The following ACYP2 variants were observed in gnomAD, a reference collection of about 807,000 sequenced individuals.
ACYP2 encodes the protein acylphosphatase 2.
Under a neutral mutation model 11.2 loss-of-function variants are expected in ACYP2, and 12 were observed. The ratio of observed to expected loss-of-function variants is 1.08; its 90% CI spans 0.69 to 1.74. The LOEUF (loss-of-function observed/expected upper bound fraction) is 1.74. Ranked by LOEUF, ACYP2 falls within the 40% of genes most tolerant of loss-of-function variation. The probability of loss-of-function intolerance (pLI) is 0.00; values close to 1 mark genes in which losing one functional copy is unlikely to be tolerated. For synonymous variants in ACYP2, 43 were observed against 32.2 expected, an observed-to-expected ratio of 1.33 and a Z score of -1.13; for missense variants, 134 against 101.9, an observed-to-expected ratio of 1.31 and a Z score of -1.35.
chr2:54,292,981 C>G (rs937896217), intron 6 of ACYP2, among the ~76,000 whole-genome samples: 1 of 152,180 alleles, frequency 6.6e-6, no homozygotes, highest in Non-Finnish European at 1.5e-5. Context: ...GTTTTAGTTA[C>G]CTGCTACTGC....
intron 6 of ACYP2, among the ~76,000 whole-genome samples, chr2:54,149,872 G>A (rs1468754599): frequency 6.6e-6 from 1 of 152,144 alleles, no homozygotes; most frequent in African/African-American, 2.4e-5. Context: ...AATTTAGCTG[G>A]AGAAAAAATA....
chr2:54,209,929 C>A (rs896092772), intron 6 of ACYP2, among the ~76,000 whole-genome samples: 2 of 151,926 alleles, frequency 1.3e-5, no homozygotes, highest in African/African-American at 4.8e-5. Flanking sequence ...TCGCTTGAGG[C>A]CAGGAGTTCA....
At chr2:54,121,394 C>A (rs1326608515) in intron 4 of ACYP2, among the ~76,000 whole-genome samples, 1 of 152,202 alleles carries the variant, frequency 6.6e-6, no homozygotes, top group Non-Finnish European at 1.5e-5. Context: ...CCACCTGGAA[C>A]TGGCAACTCG....
intron 6 of ACYP2, among the ~76,000 whole-genome samples, chr2:54,145,201 T>C (rs1418438008): frequency 5.3e-5 from 8 of 152,210 alleles, no homozygotes; most frequent in African/African-American, 1.4e-4. Flanking sequence ...TTTTATTTGA[T>C]TATAATCTGA....
At chr2:54,257,569 C>A (rs886529187) in intron 6 of ACYP2, among the ~76,000 whole-genome samples, 4 of 151,942 alleles carry the variant, frequency 2.6e-5, no homozygotes, top group Admixed American at 2.0e-4. Context: ...ATATAAAAGA[C>A]CAATAGAATT....
intron 4 of ACYP2, chr2:54,115,327 TG>T (rs1385760011): frequency 2.0e-6 from 1 of 496,768 alleles, no homozygotes; most frequent in East Asian, 3.5e-5. Context: ...TTAATAAAGC[TG>T]GGGGAAGCCA....
intron 4 of ACYP2, among the ~76,000 whole-genome samples, chr2:54,133,468 C>G (rs1681043890): frequency 6.6e-6 from 1 of 151,900 alleles, no homozygotes; most frequent in South Asian, 2.1e-4. Flanking sequence ...AGTAAATTTC[C>G]AAATTTACCA....
chr2:54,129,143 T>G (rs1395256421), intron 4 of ACYP2, among the ~76,000 whole-genome samples: 3 of 152,200 alleles, frequency 2.0e-5, no homozygotes, highest in Non-Finnish European at 2.9e-5. Context: ...GCAGCTAACA[T>G]GATGCAAATA....
intron 6 of ACYP2, among the ~76,000 whole-genome samples, chr2:54,202,619 G>C (rs1231192269): frequency 7.0e-6 from 1 of 143,382 alleles, no homozygotes; most frequent in East Asian, 2.1e-4. Flanking sequence ...TGTTGGCCGG[G>C]TTGGTTTCGA....
At chr2:54,285,245 A>C (rs1382068272) in intron 6 of ACYP2, among the ~76,000 whole-genome samples, 1 of 152,214 alleles carries the variant, frequency 6.6e-6, no homozygotes, top group Non-Finnish European at 1.5e-5. Flanking sequence ...TTAGGTTTCA[A>C]CATACAAATT....
intron 4 of ACYP2, among the ~76,000 whole-genome samples, chr2:54,112,086 A>ATG (rs34153774): frequency 7.2e-5 from 11 of 152,278 alleles, no homozygotes; most frequent in African/African-American, 2.6e-4. Context: ...ACACATGTAA[A>ATG]TGTGTATTAT....
chr2:54,133,630 G>A (rs1681057259), intron 4 of ACYP2, among the ~76,000 whole-genome samples: 1 of 152,162 alleles, frequency 6.6e-6, no homozygotes, highest in South Asian at 2.1e-4. Flanking sequence ...CTATACCAAA[G>A]AAGCCTGTTC....
At chr2:54,083,508 G>A (rs1441486561) in intron 4 of ACYP2, among the ~76,000 whole-genome samples, 1 of 152,196 alleles carries the variant, frequency 6.6e-6, no homozygotes, top group African/African-American at 2.4e-5. Context: ...AGAAATCAAG[G>A]TTCTAAGTTT....
intron 4 of ACYP2, among the ~76,000 whole-genome samples, chr2:54,124,038 A>C (rs927758869): frequency 7.9e-5 from 12 of 152,228 alleles, no homozygotes; most frequent in Non-Finnish European, 1.2e-4. Context: ...TATTAAATAC[A>C]CTTCTAAACA....
intron 6 of ACYP2, among the ~76,000 whole-genome samples, chr2:54,224,037 G>C (rs1202823022): frequency 6.6e-6 from 1 of 152,074 alleles, no homozygotes; most frequent in African/African-American, 2.4e-5. Context: ...TTCTGTACCG[G>C]GACATTGGGG....
chr2:54,089,753 A>G lies in ACYP2; in HGVS notation c.277+32393A>G, dbSNP rs1326132301. Among the ~76,000 whole-genome samples the G allele has an allele frequency of 3.3e-5, 5 of 152,050 alleles. No individual in the cohort carries two copies. In the East Asian group the frequency reaches 9.7e-4, roughly 29 times the overall value. On this transcript the variant is annotated intron_variant, in intron 4 of 6. Transcript: ENST00000607452. ...AGACGCGGTCCCAAAACCAAACAGC[A>G]ATTACTTTTGCACCAACCTAATATT...
At chr2:54,040,479 T>C (rs895595447) in intron 2 of ACYP2, among the ~76,000 whole-genome samples, 7 of 151,726 alleles carry the variant, frequency 4.6e-5, no homozygotes, top group African/African-American at 1.7e-4. Context: ...CTAGAGGAGA[T>C]TGCCAAATGA....
At chr2:54,119,049 G>GTTTTTT (rs1572796439) in intron 4 of ACYP2, among the ~76,000 whole-genome samples, 2 of 90,030 alleles carry the variant, frequency 2.2e-5, no homozygotes, top group African/African-American at 9.6e-5. Flanking sequence ...AATCTTAGTA[G>GTTTTTT]TCTTTTTTTT....
chr2:53,997,699 T>G (rs1021799002), intron 2 of ACYP2, among the ~76,000 whole-genome samples: 2 of 152,170 alleles, frequency 1.3e-5, no homozygotes, highest in Non-Finnish European at 2.9e-5. Flanking sequence ...GAGCACAGTG[T>G]TTATACTTAG....
Sources: allele counts gnomAD v4.1 joint callset (sites outside exome capture counted in the v4.1 genomes callset), GRCh38; gene constraint gnomAD v4.1.1; transcripts MANE v1.5; gene names NCBI Gene and HGNC (gene_info 2026-07-23, HGNC 2026-07-21).